CDH4: variants seen among roughly 807,000 people sequenced by gnomAD.
CDH4 encodes cadherin-4.
In CDH4, 33 loss-of-function variants were observed where a neutral mutation model predicts 86.0. The observed-to-expected ratio is 0.38, with a 90% CI of 0.29 to 0.51. The LOEUF is 0.51. CDH4 is among the 20% of genes least tolerant of loss of function. The pLI is 0.86. For missense variants in CDH4, 1,114 were observed against 1,307.4 expected (o/e 0.85, Z 2.28); for synonymous variants, 555 against 549.4 (o/e 1.01, Z -0.14).
At chr20:61,586,519 G>C (rs192707465) in intron 2 of CDH4, among the ~76,000 whole-genome samples, 38 of 152,334 alleles carry the variant, frequency 2.5e-4, no homozygotes, top group African/African-American at 9.1e-4. Context: ...GGAGACCCTG[G>C]ACGTGAGGTA....
intron 2 of CDH4, among the ~76,000 whole-genome samples, chr20:61,421,233 A>G (rs1438910708): frequency 6.6e-6 from 1 of 152,160 alleles, no homozygotes; most frequent in Non-Finnish European, 1.5e-5. Flanking sequence ...GTGCATTTGT[A>G]AGAGTCCCTC....
At chr20:61,735,498 A>C (rs2088251507) in intron 2 of CDH4, among the ~76,000 whole-genome samples, 1 of 152,058 alleles carries the variant, frequency 6.6e-6, no homozygotes, top group Non-Finnish European at 1.5e-5. Context: ...AGCCCAGCCC[A>C]ATGCAGACCC....
chr20:61,307,304 A>T (rs1193028505), intron 2 of CDH4, among the ~76,000 whole-genome samples: 2 of 151,834 alleles, frequency 1.3e-5, no homozygotes, highest in African/African-American at 4.8e-5. Flanking sequence ...TGTATCAGGC[A>T]CTCAGAGCTT....
intron 2 of CDH4, among the ~76,000 whole-genome samples, chr20:61,652,938 A>ATTTATTTATTTTTTTTTTTTTTTT (rs1555819716): frequency 1.0e-5 from 1 of 97,402 alleles, no homozygotes; most frequent in Non-Finnish European, 2.4e-5. Flanking sequence ...TTATTTATTT[A>ATTTATTTATTTTTTTTTTTTTTTT]TTTTTTTTTT....
rs542359114 is a variant in CDH4, at chr20:61,811,301, G to A, written c.577-33367G>A. ...TCCTGAAAGCTGGGATCCACATGCCGGCAGCCCAAGACCGCCCTCATCGGG... is the reference window on the plus strand; with the variant it reads ...TCCTGAAAGCTGGGATCCACATGCCAGCAGCCCAAGACCGCCCTCATCGGG... On this transcript the variant is annotated intron_variant, in intron 4 of 15. Coordinates refer to ENST00000614565, the MANE Select transcript of CDH4 (RefSeq NM_001794.5). The surrounding 1 kb of genome is among the most constrained non-coding windows in gnomAD (Gnocchi z 4.4). Among the ~76,000 whole-genome samples the A allele has an allele frequency of 6.7e-4, 102 of 152,334 alleles. 2 individuals are homozygous for A. Among genetic ancestry groups the A allele is most frequent in the Admixed American group, 2.7e-3 (42 of 15,306 alleles).
intron 2 of CDH4, among the ~76,000 whole-genome samples, chr20:61,404,860 C>A (rs2085072133): frequency 6.6e-6 from 1 of 151,862 alleles, no homozygotes; most frequent in Admixed American, 6.6e-5. Context: ...AACATCCTGG[C>A]TAACACGGTG....
chr20:61,521,726 G>GT (rs2085870486), intron 2 of CDH4, among the ~76,000 whole-genome samples: 1 of 152,138 alleles, frequency 6.6e-6, no homozygotes, highest in Non-Finnish European at 1.5e-5. Flanking sequence ...GGGGGTGGGT[G>GT]TGGGCCCCCC....
chr20:61,571,785 GCC>G (rs1007772272), intron 2 of CDH4, among the ~76,000 whole-genome samples: 3 of 5,418 alleles, frequency 5.5e-4, no homozygotes, highest in Non-Finnish European at 1.2e-3. Context: ...ACCCCTTCCC[GCC>G]CCTCCCCTCC....
At chr20:61,919,951 G>A (rs113150815) in intron 9 of CDH4, among the ~76,000 whole-genome samples, 1,441 of 58,348 alleles carry the variant, frequency 0.025, 1 homozygote, top group African/African-American at 0.083. Context: ...GCGTGGAAGC[G>A]TGTTGTGATT....
At chr20:61,604,798 A>C (rs1380117143) in intron 2 of CDH4, among the ~76,000 whole-genome samples, 2 of 152,134 alleles carry the variant, frequency 1.3e-5, no homozygotes, top group Non-Finnish European at 2.9e-5. Flanking sequence ...CTAATGGTCT[A>C]ATTAGAAGCT....
At chr20:61,834,529 G>C (rs905204978) in intron 4 of CDH4, among the ~76,000 whole-genome samples, 6 of 152,224 alleles carry the variant, frequency 3.9e-5, no homozygotes, top group Non-Finnish European at 8.8e-5. Context: ...GAAAGTAGAC[G>C]CTGTGTGACA....
chr20:61,698,952 A>T (rs1206196469), intron 2 of CDH4, among the ~76,000 whole-genome samples: 1 of 152,246 alleles, frequency 6.6e-6, no homozygotes, highest in Admixed American at 6.5e-5. Context: ...ATATGCAAGG[A>T]TATCCCCACC....
chr20:61,754,793 C>T lies in CDH4; in HGVS notation c.396+11004C>T, dbSNP rs1025539523. ...CCACACACACCACACACACACTGCA[C>T]GCCACACACACCACACACACGATGC... On this transcript the variant is annotated intron_variant, in intron 3 of 15. Coordinates refer to ENST00000614565, the MANE Select transcript of CDH4 (RefSeq NM_001794.5). This position sits in a 1 kb window ranked among gnomAD's most constrained non-coding sequence, Gnocchi z 4.7. 1.3e-5 allele frequency among the ~76,000 whole-genome samples: 2 copies of T among 150,048 alleles called. No individual in the cohort carries two copies. Among genetic ancestry groups the T allele is most frequent in the Non-Finnish European group, 3.0e-5 (2 of 67,392 alleles).
chr20:61,394,401 G>A (rs1273586731), intron 2 of CDH4, among the ~76,000 whole-genome samples: 4 of 152,176 alleles, frequency 2.6e-5, no homozygotes, highest in Non-Finnish European at 4.4e-5. Context: ...GAACTGCTTC[G>A]TTTGTAAAGA....
intron 2 of CDH4, among the ~76,000 whole-genome samples, chr20:61,396,586 C>T (rs773787698): frequency 6.6e-6 from 1 of 152,212 alleles, no homozygotes; most frequent in South Asian, 2.1e-4. Context: ...GGACTGGCCA[C>T]GGGGAGCATC....
intron 2 of CDH4, among the ~76,000 whole-genome samples, chr20:61,626,313 G>A (rs983660727): frequency 2.6e-5 from 4 of 152,200 alleles, no homozygotes; most frequent in Admixed American, 1.3e-4. Context: ...CTCCAAAGAC[G>A]ACCTGGAGCT....
At chr20:61,804,379 C>G (rs1490348809) in intron 4 of CDH4, among the ~76,000 whole-genome samples, 1 of 152,226 alleles carries the variant, frequency 6.6e-6, no homozygotes, top group Non-Finnish European at 1.5e-5. Context: ...CAGCCACTGT[C>G]CATGCTGTCT....
chr20:61,449,175 G>C lies in CDH4; in HGVS notation c.169+194238G>C, dbSNP rs542662168. On this transcript the variant is annotated intron_variant, in intron 2 of 15. Transcript: ENST00000614565. Reference sequence around the variant, plus strand: ...GCTGCTTCAAGGGGCACTGGTGCCAGCCACATTAGCGTTTTAACCCAAGCC... The same window carrying C: ...GCTGCTTCAAGGGGCACTGGTGCCACCCACATTAGCGTTTTAACCCAAGCC... Among the ~76,000 whole-genome samples the C allele has an allele frequency of 5.3e-5, 8 of 152,298 alleles. No homozygotes were observed. In the East Asian group the frequency reaches 1.5e-3, roughly 29 times the overall value.
chr20:61,324,860 A>G (rs1389907819), intron 2 of CDH4, among the ~76,000 whole-genome samples: 2 of 152,114 alleles, frequency 1.3e-5, no homozygotes, highest in Admixed American at 1.3e-4. Flanking sequence ...CAGGCACTTG[A>G]CCCAGGAGAG....
Sources: gnomAD v4.1 joint callset for allele counts (sites outside exome capture counted in the v4.1 genomes callset) on GRCh38, gnomAD v4.1.1 for gene constraint, Gnocchi (gnomAD v3.1) non-coding constraint, MANE v1.5 for transcripts, NCBI Gene and HGNC (gene_info 2026-07-23, HGNC 2026-07-21) for gene names.